The following C11orf65 variants were observed in gnomAD, a reference collection of about 807,000 sequenced individuals.
C11orf65 encodes the protein chromosome 11 open reading frame 65.
C11orf65 carries 38 observed loss-of-function variants against 35.3 expected under a neutral mutation model. The ratio of observed to expected loss-of-function variants is 1.08; its 90% CI spans 0.83 to 1.41. C11orf65 has a LOEUF of 1.41. Ranked by LOEUF, C11orf65 falls within the 40% of genes most tolerant of loss-of-function variation. C11orf65 has a pLI of 0.00. For missense variants in C11orf65, 370 were observed against 367.1 expected (o/e 1.01, Z -0.06); for synonymous variants, 105 against 114.4 (o/e 0.92, Z 0.53).
Position 108,358,045 on chromosome 11 carries a change from G to C in C11orf65, c.227-22753C>G, listed in dbSNP as rs181213654. Among the ~76,000 whole-genome samples the C allele has an allele frequency of 5.1e-3, 728 of 143,882 alleles. 5 individuals are homozygous for C. The highest frequency in any genetic ancestry group is 0.017 in the African/African-American group (665 of 39,068). 94.4% of individuals were successfully genotyped at this position (143,882 alleles called of 152,430 possible). A position where few individuals can be genotyped will look rare whatever the true frequency, so the allele number is the denominator to read the frequency against. ...CAAAGGCAAATAAGTTGACAACTTT[G>C]AAAAAAATTTAGAAGAATGTATAAC... On this transcript the variant is annotated intron_variant, in intron 2 of 3. Transcript: ENST00000524755.
intron 6 of C11orf65, chr11:108,309,213 A>C (rs941072337): frequency 4.7e-5 from 25 of 533,932 alleles, no homozygotes; most frequent in South Asian, 1.2e-4. Flanking sequence ...ACAACAACAA[A>C]AAAATTGCTT....
At chr11:108,389,633 T>C (rs766189431) in intron 7 of C11orf65, among the ~76,000 whole-genome samples, 2 of 152,224 alleles carry the variant, frequency 1.3e-5, no homozygotes, top group Non-Finnish European at 2.9e-5. Context: ...CTATATGCTA[T>C]GAAGAAATTG....
Position 108,406,908 on chromosome 11 carries a change from T to C in C11orf65, c.284A>G (p.Asp95Gly). 1 of 1,612,798 alleles carries C rather than the reference T, an allele frequency of 6.2e-7. No homozygotes were observed. The highest frequency in any genetic ancestry group is 8.5e-7 in the Non-Finnish European group (1 of 1,178,968). ...ATTTCTAGGGCTGTTAGCACAGAGA[T>C]CTTCAATAGGTCTGTGAGTAAAAAT... Reference protein sequence around the residue: ...YKIFTHRPIEDLCANSPRNYA... With the variant: ...YKIFTHRPIEGLCANSPRNYA... The change falls in exon 5 of 9, where the codon GAT becomes GGT. Residue 95 changes from aspartate to glycine, a missense_variant. By Grantham distance (94) the Asp-to-Gly change is moderately conservative (BLOSUM62 -1). Transcript: ENST00000393084.
chr11:108,334,624 C>T (rs192487418), intron 3 of C11orf65, among the ~76,000 whole-genome samples: 1 of 152,136 alleles, frequency 6.6e-6, no homozygotes. Flanking sequence ...TGCTGTTTTT[C>T]TAGCTATATC....
intron 2 of C11orf65, among the ~76,000 whole-genome samples, chr11:108,437,112 G>GT (rs2093071561): frequency 7.7e-6 from 1 of 130,006 alleles, no homozygotes; most frequent in African/African-American, 2.7e-5. Flanking sequence ...AAAAAAAAAG[G>GT]GGGGGGGTGG....
intron 2 of C11orf65, among the ~76,000 whole-genome samples, chr11:108,345,342 A>G (rs2088193610): frequency 6.6e-6 from 1 of 152,190 alleles, no homozygotes; most frequent in Non-Finnish European, 1.5e-5. Flanking sequence ...GATCTGAGTC[A>G]TATCAGCTGC....
Position 108,354,888 on chromosome 11 carries a change from T to C in C11orf65, c.227-19596A>G, listed in dbSNP as rs1294857465. ...ACCATTGTAGAGGTAAAGTATTTTA[T>C]AAGGAAGACTTTATTTTTTTTCTTA... On this transcript the variant is annotated intron_variant, in intron 2 of 3. Coordinates refer to the C11orf65 transcript ENST00000524755. The C allele has an allele frequency of 2.5e-6, 4 of 1,603,856 alleles. No individual in the cohort carries two copies. The highest frequency in any genetic ancestry group is 3.4e-6 in the Non-Finnish European group (4 of 1,170,802).
At chr11:108,370,360 A>G (rs912310419) in intron 2 of C11orf65, among the ~76,000 whole-genome samples, 1 of 151,926 alleles carries the variant, frequency 6.6e-6, no homozygotes, top group African/African-American at 2.4e-5. Flanking sequence ...ATATATAGTC[A>G]TATCATCTAT....
chr11:108,447,597 G>A (rs942816896), intron 2 of C11orf65, among the ~76,000 whole-genome samples: 2 of 151,704 alleles, frequency 1.3e-5, no homozygotes, highest in Non-Finnish European at 2.9e-5. Flanking sequence ...GAGAACAAAG[G>A]CACAACATAC....
chr11:108,439,050 A>T (rs917107669), intron 2 of C11orf65, among the ~76,000 whole-genome samples: 3 of 152,190 alleles, frequency 2.0e-5, no homozygotes, highest in Admixed American at 6.5e-5. Flanking sequence ...GACACTAACA[A>T]GAGAGTAAAA....
At chr11:108,411,957 G>T (rs1184709535) in intron 3 of C11orf65, among the ~76,000 whole-genome samples, 1 of 151,780 alleles carries the variant, frequency 6.6e-6, no homozygotes, top group Non-Finnish European at 1.5e-5. Context: ...TGTATTTTTA[G>T]TAGAGACGGG....
chr11:108,363,612 G>A (rs980754561), intron 2 of C11orf65, among the ~76,000 whole-genome samples: 3 of 152,128 alleles, frequency 2.0e-5, no homozygotes, highest in Non-Finnish European at 4.4e-5. Flanking sequence ...ACCTCAGAAT[G>A]TACAAGTTAG....
chr11:108,387,755 T>A (rs2092046587), intron 7 of C11orf65, among the ~76,000 whole-genome samples: 1 of 152,190 alleles, frequency 6.6e-6, no homozygotes, highest in African/African-American at 2.4e-5. Flanking sequence ...CTTGAACTCT[T>A]GGGCTCAAGT....
intron 6 of C11orf65, among the ~76,000 whole-genome samples, chr11:108,324,495 C>G (rs1038033657): frequency 6.6e-6 from 1 of 151,998 alleles, no homozygotes; most frequent in African/African-American, 2.4e-5. Context: ...TCTTTGGGGT[C>G]TTCAATAATT....
At chr11:108,440,927 T>C (rs2093142791) in intron 2 of C11orf65, among the ~76,000 whole-genome samples, 1 of 152,134 alleles carries the variant, frequency 6.6e-6, no homozygotes, top group African/African-American at 2.4e-5. Flanking sequence ...AGACAGGTGA[T>C]TTCGGCATTT....
At chr11:108,409,885 A>AC (rs1404640934) in intron 3 of C11orf65, among the ~76,000 whole-genome samples, 1 of 152,028 alleles carries the variant, frequency 6.6e-6, no homozygotes. Context: ...TCATCCCAAA[A>AC]CCATCCTCCA....
rs12361173 is a variant in C11orf65, at chr11:108,407,464, A to T, written c.175-315T>A. Among the ~76,000 whole-genome samples the T allele has an allele frequency of 6.2e-3, 906 of 147,036 alleles. 6 individuals are homozygous for T. Among genetic ancestry groups the T allele is most frequent in the East Asian group, 0.01 (51 of 4,990 alleles). On this transcript the variant is annotated intron_variant, in intron 3 of 8. Transcript: ENST00000393084. ...ATAGCTGAGACTACAGGTGTGCACC[A>T]CCATGCCTGGCTAATTTTGTATTTT...
chr11:108,420,981 T>A (rs1325149966), intron 3 of C11orf65, among the ~76,000 whole-genome samples: 1 of 152,156 alleles, frequency 6.6e-6, no homozygotes, highest in East Asian at 1.9e-4. Flanking sequence ...AAATTAACCA[T>A]TAGTGACATT....
chr11:108,466,998 C>T (rs1025324629), intron 1 of C11orf65, among the ~76,000 whole-genome samples: 2 of 152,088 alleles, frequency 1.3e-5, no homozygotes, highest in East Asian at 1.9e-4. Flanking sequence ...CTAACCTATT[C>T]TTTAAAAACG....
Sources: allele counts gnomAD v4.1 joint callset (sites outside exome capture counted in the v4.1 genomes callset), GRCh38; gene constraint gnomAD v4.1.1; transcripts MANE v1.5; gene names NCBI Gene and HGNC (gene_info 2026-07-23, HGNC 2026-07-21).